MAP3K21: variants seen among roughly 807,000 people sequenced by gnomAD.
MAP3K21 encodes the protein mitogen-activated protein kinase kinase kinase 21.
A neutral mutation model predicts 86.1 loss-of-function variants in MAP3K21; 63 were observed. That is an observed-to-expected ratio of 0.73 (90% CI 0.60 to 0.90). The LOEUF is 0.90. MAP3K21 is among the 40% of genes least tolerant of loss of function. The probability of loss-of-function intolerance (pLI) is 0.00; values close to 1 mark genes in which losing one functional copy is unlikely to be tolerated. For missense variants in MAP3K21, 1,220 were observed against 1,367.7 expected (o/e 0.89, Z 1.70); for synonymous variants, 558 against 564.8 (o/e 0.99, Z 0.17).
chr1:233,381,428 C>G (rs1057027588), intron 9 of MAP3K21, among the ~76,000 whole-genome samples: 3 of 152,130 alleles, frequency 2.0e-5, no homozygotes, highest in African/African-American at 7.2e-5. Context: ...ATATACCTGT[C>G]ATGAATATTA....
chr1:233,380,294 C>T (rs758742341), intron 9 of MAP3K21, among the ~76,000 whole-genome samples: 9 of 152,220 alleles, frequency 5.9e-5, no homozygotes, highest in East Asian at 1.9e-4. Flanking sequence ...GACTTCTAGA[C>T]GGCCGTTTTC....
chr1:233,337,376 A>G (rs1009050678), intron 1 of MAP3K21, among the ~76,000 whole-genome samples: 1 of 152,232 alleles, frequency 6.6e-6, no homozygotes, highest in Non-Finnish European at 1.5e-5. Context: ...ATTTAAATGC[A>G]AGCTGTTGAC....
At chr1:233,334,776 T>A (rs1662881287) in intron 1 of MAP3K21, among the ~76,000 whole-genome samples, 1 of 152,144 alleles carries the variant, frequency 6.6e-6, no homozygotes, top group South Asian at 2.1e-4. Context: ...AACATAAGCT[T>A]GCGGTCATTG....
At chr1:233,372,477 A>T in intron 6 of MAP3K21, 1 of 364,414 alleles carries the variant, frequency 2.7e-6, no homozygotes, top group East Asian at 4.1e-5. Context: ...TAATTCTATC[A>T]TCAGCCATTT....
intron 4 of MAP3K21, among the ~76,000 whole-genome samples, chr1:233,356,040 G>A (rs1330113350): frequency 1.3e-5 from 2 of 152,096 alleles, no homozygotes; most frequent in African/African-American, 2.4e-5. Context: ...ATGATGTCAT[G>A]CTCCTGACCT....
intron 2 of MAP3K21, among the ~76,000 whole-genome samples, chr1:233,352,381 C>A (rs1370029168): frequency 6.6e-6 from 1 of 151,528 alleles, no homozygotes; most frequent in African/African-American, 2.4e-5. Flanking sequence ...CTAACTGTAG[C>A]CATCCTACAG....
At chr1:233,332,628 G>C (rs1280363682) in intron 1 of MAP3K21, among the ~76,000 whole-genome samples, 1 of 152,150 alleles carries the variant, frequency 6.6e-6, no homozygotes, top group African/African-American at 2.4e-5. Flanking sequence ...TGCCCAGAGT[G>C]GTAGCAATGG....
rs764718884 is a variant in MAP3K21, at chr1:233,346,511, T to C, written c.875T>C (p.Leu292Ser). The change falls in exon 2 of 10, where the codon TTG becomes TCG. Residue 292 changes from leucine to serine, a missense_variant. Physicochemically the swap from Leu to Ser is moderately radical, Grantham distance 145. Coordinates refer to ENST00000366624, the MANE Select transcript of MAP3K21 (RefSeq NM_032435.3). ...ACTTTGAAGATTACAGATTTTGGGTTGGCGAGGGAATGGCACAGGACCACC... is the reference window on the plus strand; with the variant it reads ...ACTTTGAAGATTACAGATTTTGGGTCGGCGAGGGAATGGCACAGGACCACC... Reference protein sequence around the residue: ...NKTLKITDFGLAREWHRTTKM... With the variant: ...NKTLKITDFGSAREWHRTTKM... The C allele has an allele frequency of 4.3e-6, 7 of 1,613,836 alleles. No individual in the cohort carries two copies. The African/African-American group carries it at 8.0e-5, about 18-fold the overall frequency.
chr1:233,335,199 G>A (rs1662889541), intron 1 of MAP3K21, among the ~76,000 whole-genome samples: 1 of 152,016 alleles, frequency 6.6e-6, no homozygotes, highest in African/African-American at 2.4e-5. Flanking sequence ...AATTTTAATG[G>A]GCAGAGGGTT....
intron 1 of MAP3K21, among the ~76,000 whole-genome samples, chr1:233,339,340 TCCC>T (rs1253361084): frequency 6.3e-4 from 74 of 117,462 alleles, no homozygotes; most frequent in Middle Eastern, 4.0e-3. Flanking sequence ...CCTCTTCTTC[TCCC>T]TCTTCTCCCT....
chr1:233,381,043 G>A (rs1439140846), intron 9 of MAP3K21, among the ~76,000 whole-genome samples: 1 of 152,136 alleles, frequency 6.6e-6, no homozygotes, highest in African/African-American at 2.4e-5. Context: ...GAAGAATGGG[G>A]GATTTTGAGT....
chr1:233,375,395 C>A (rs1663773214), intron 6 of MAP3K21, among the ~76,000 whole-genome samples: 1 of 152,126 alleles, frequency 6.6e-6, no homozygotes, highest in African/African-American at 2.4e-5. Context: ...TAAAAGGCAA[C>A]CGTAACCAAA....
intron 1 of MAP3K21, among the ~76,000 whole-genome samples, chr1:233,343,793 G>C (rs1321118600): frequency 6.6e-6 from 1 of 152,088 alleles, no homozygotes; most frequent in East Asian, 1.9e-4. Context: ...TGTCGTATGG[G>C]TTATGTAATT....
chr1:233,382,166 G>A (rs1663929754), intron 9 of MAP3K21, 139 bp from the exon 10 acceptor site: 10 of 743,348 alleles, frequency 1.3e-5, no homozygotes, highest in Non-Finnish European at 2.0e-5. Context: ...GATCATGCCT[G>A]TGAATGCATG....
At chr1:233,372,460 CA>C in intron 6 of MAP3K21, 1 of 385,060 alleles carries the variant, frequency 2.6e-6, no homozygotes, top group East Asian at 3.8e-5. Flanking sequence ...GCAACGTTAG[CA>C]TAACCTAATT....
At chr1:233,334,007 C>T (rs1481373623) in intron 1 of MAP3K21, among the ~76,000 whole-genome samples, 5 of 152,166 alleles carry the variant, frequency 3.3e-5, no homozygotes, top group Non-Finnish European at 4.4e-5. Flanking sequence ...GGACTACAGG[C>T]GCCCGCCACC....
At chr1:233,332,220 C>T (rs1294307) in intron 1 of MAP3K21, among the ~76,000 whole-genome samples, 118,262 of 152,008 alleles carry the variant, frequency 0.78, 46,258 homozygotes, top group East Asian at 0.99. Context: ...CTTAGTCTAA[C>T]GGGGAAGATA....
Position 233,328,324 on chromosome 1 carries a change from C to T in MAP3K21, c.296C>T (p.Pro99Leu), listed in dbSNP as rs199779701. ...ATCTTCCCCGCCAACTACGTGGCTC[C>T]CTGCCGCCCGGCCGCCAGCCCCGCG... is the stretch of plus-strand genomic sequence containing the variant. Reference protein sequence around the residue: ...LGIFPANYVAPCRPAASPAPP... With the variant: ...LGIFPANYVALCRPAASPAPP... The change falls in exon 1 of 10, where the codon CCC becomes CTC. Residue 99 changes from proline to leucine, a missense_variant. By Grantham distance (98) the Pro-to-Leu change is moderately conservative. Coordinates refer to ENST00000366624, the MANE Select transcript of MAP3K21 (RefSeq NM_032435.3). The surrounding 1 kb of genome is among the most constrained non-coding windows in gnomAD (Gnocchi z 8.7). The T allele has an allele frequency of 5.7e-4, 846 of 1,474,894 alleles. 8 individuals are homozygous for T. In the African/African-American group the frequency reaches 0.011, roughly 20 times the overall value. 91.4% of individuals were successfully genotyped at this position (1,474,894 alleles called of 1,614,324 possible). A position where few individuals can be genotyped will look rare whatever the true frequency, so the allele number is the denominator to read the frequency against.
chr1:233,328,784 T>C lies in MAP3K21; in HGVS notation c.756T>C (p.His252=), dbSNP rs1476599982. The C allele has an allele frequency of 5.8e-6, 9 of 1,545,340 alleles. No homozygotes were observed. The highest frequency in any genetic ancestry group is 1.7e-4 in the Middle Eastern group (1 of 5,862). Residue 252 remains histidine (H), a synonymous_variant, in exon 1 of 10, where the codon CAT becomes CAC. Transcript: ENST00000366624. This position sits in a 1 kb window ranked among gnomAD's most constrained non-coding sequence, Gnocchi z 8.7. The part of the protein sequence containing the change: ...VQIARGMLYL[H]EEAFVPILHR... ...TAGCGCGGGGCATGCTCTACCTGCA[T>C]GAGGAGGCCTTCGTGCCCATCCTGC...
Sources: allele counts gnomAD v4.1 joint callset (sites outside exome capture counted in the v4.1 genomes callset), GRCh38; gene constraint gnomAD v4.1.1; non-coding constraint Gnocchi (gnomAD v3.1); transcripts MANE v1.5; gene names NCBI Gene and HGNC (gene_info 2026-07-23, HGNC 2026-07-21).